The following ANGPT1 variants were observed in gnomAD, a reference collection of about 807,000 sequenced individuals.
ANGPT1 encodes the protein angiopoietin-1.
A neutral mutation model predicts 62.2 loss-of-function variants in ANGPT1; 17 were observed. The ratio of observed to expected loss-of-function variants is 0.27; its 90% CI spans 0.19 to 0.41. ANGPT1 has a LOEUF of 0.41. Ranked by LOEUF, ANGPT1 falls within the 10% of genes least tolerant of loss-of-function variation. The pLI is 1.00. For missense variants in ANGPT1, 478 were observed against 594.9 expected, an observed-to-expected ratio of 0.80 and a Z score of 2.04; for synonymous variants, 199 against 198.9, an observed-to-expected ratio of 1.00 and a Z score of 0.00.
At chr8:107,252,599 C>T (rs913378853) in intron 8 of ANGPT1, among the ~76,000 whole-genome samples, 3 of 152,138 alleles carry the variant, frequency 2.0e-5, no homozygotes, top group Non-Finnish European at 4.4e-5. Flanking sequence ...CGTACCCTCT[C>T]TGTAGTTTAT....
chr8:107,280,487 C>T (rs926037063), intron 7 of ANGPT1, among the ~76,000 whole-genome samples: 1 of 152,072 alleles, frequency 6.6e-6, no homozygotes. Context: ...TGGGTTGACA[C>T]GTTACATCTA....
At position 107,483,289 on chromosome 8, in the gene ANGPT1, C is replaced by A. The variant is rs150359058; in HGVS notation, c.297+13973G>T. 3.4e-3 allele frequency among the ~76,000 whole-genome samples: 511 copies of A among 152,150 alleles called. 2 individuals carry two copies. The highest frequency in any genetic ancestry group is 0.012 in the African/African-American group (479 of 41,540). ...CATAACAGTCATAAAATAAAAATTT[C>A]TTTTTCCTCTTTGACAGGAAGACTT... On this transcript the variant is annotated intron_variant, in intron 1 of 8. Coordinates refer to ENST00000517746, the MANE Select transcript of ANGPT1 (RefSeq NM_001146.5).
chr8:107,304,188 C>T (rs999266168), intron 4 of ANGPT1, among the ~76,000 whole-genome samples: 2 of 151,592 alleles, frequency 1.3e-5, no homozygotes, highest in Non-Finnish European at 3.0e-5. Flanking sequence ...TAGTTAGAGA[C>T]TGTCTCTACT....
chr8:107,254,355 A>T (rs1205007173), intron 8 of ANGPT1, among the ~76,000 whole-genome samples: 1 of 151,978 alleles, frequency 6.6e-6, no homozygotes, highest in East Asian at 1.9e-4. Context: ...CATGAAACTC[A>T]CTTCTAATGG....
chr8:107,404,649 C>G (rs1299426313), intron 1 of ANGPT1, among the ~76,000 whole-genome samples: 1 of 152,016 alleles, frequency 6.6e-6, no homozygotes, highest in Non-Finnish European at 1.5e-5. Flanking sequence ...AAAGATACTG[C>G]AATGAACATT....
Position 107,303,302 on chromosome 8 carries a change from C to G in ANGPT1, c.874G>C (p.Ala292Pro), listed in dbSNP as rs1350176064. ...PFRDCADVYQAGFNKSGIYTI... is the reference protein window; with the variant it reads ...PFRDCADVYQPGFNKSGIYTI... ...TAGATTCCACTTTTATTAAAACCAG[C>G]TTGATATACATCTGCACAGTCTCTA... The change falls in exon 5 of 9, where the codon GCT becomes CCT. Residue 292 changes from alanine (A) to proline (P), a missense_variant. Around this residue, in one of 4 missense-constraint regions of ANGPT1, gnomAD observed 343 missense variants for 355.4 expected, o/e 0.97. Transcript: ENST00000517746. The G allele has an allele frequency of 6.2e-7, 1 of 1,601,700 alleles. No individual in the cohort carries two copies. Among genetic ancestry groups the G allele is most frequent in the Admixed American group, 1.7e-5 (1 of 59,258 alleles).
intron 4 of ANGPT1, among the ~76,000 whole-genome samples, chr8:107,312,509 C>T (rs998105851): frequency 6.6e-6 from 1 of 152,192 alleles, no homozygotes; most frequent in African/African-American, 2.4e-5. Flanking sequence ...AAAACTGACA[C>T]ATACACAAAA....
chr8:107,464,587 T>A (rs985335054), intron 1 of ANGPT1, among the ~76,000 whole-genome samples: 2 of 152,048 alleles, frequency 1.3e-5, no homozygotes, highest in African/African-American at 4.8e-5. Flanking sequence ...ATAAGGTAAT[T>A]GTCAAGAGCT....
At chr8:107,275,237 T>G (rs967889567) in intron 7 of ANGPT1, among the ~76,000 whole-genome samples, 1 of 152,118 alleles carries the variant, frequency 6.6e-6, no homozygotes, top group Non-Finnish European at 1.5e-5. Flanking sequence ...CCAGAGGCCA[T>G]GGCTGCTTAC....
At chr8:107,429,233 G>T (rs1017237425) in intron 1 of ANGPT1, among the ~76,000 whole-genome samples, 1 of 152,134 alleles carries the variant, frequency 6.6e-6, no homozygotes, top group Non-Finnish European at 1.5e-5. Context: ...AGAAATAGGG[G>T]TTGAGTCATT....
At chr8:107,349,087 A>G (rs1169449514) in intron 1 of ANGPT1, among the ~76,000 whole-genome samples, 3 of 151,984 alleles carry the variant, frequency 2.0e-5, no homozygotes, top group Non-Finnish European at 2.9e-5. Context: ...CAGCCCAAAA[A>G]TGAAGCTGAC....
At chr8:107,275,531 G>T (rs1258343029) in intron 7 of ANGPT1, among the ~76,000 whole-genome samples, 1 of 152,096 alleles carries the variant, frequency 6.6e-6, no homozygotes, top group Non-Finnish European at 1.5e-5. Context: ...GCACATTTGT[G>T]ATTGTAAGTG....
chr8:107,339,874 C>T (rs1272836069), intron 2 of ANGPT1, among the ~76,000 whole-genome samples: 1 of 152,136 alleles, frequency 6.6e-6, no homozygotes, highest in African/African-American at 2.4e-5. Flanking sequence ...AAATCTAGAG[C>T]AGCATCTGAA....
chr8:107,303,275 T>C lies in ANGPT1; in HGVS notation c.901A>G (p.Thr301Ala), dbSNP rs1296188303. Residue 301 changes from threonine (T) to alanine (A), a missense_variant, in exon 5 of 9, where the codon ACT (threonine) becomes GCT (alanine). By Grantham distance (58) the Thr-to-Ala change is moderately conservative (BLOSUM62 0). Coordinates refer to ENST00000517746, the MANE Select transcript of ANGPT1 (RefSeq NM_001146.5). Reference sequence around the variant, plus strand: ...TCTGGCATATTATTAATATAAATAGTGTAGATTCCACTTTTATTAAAACCA... The same window carrying C: ...TCTGGCATATTATTAATATAAATAGCGTAGATTCCACTTTTATTAAAACCA... ...QAGFNKSGIYTIYINNMPEPK... is the reference protein window; with the variant it reads ...QAGFNKSGIYAIYINNMPEPK... 4 of 1,608,098 alleles carry C rather than the reference T, an allele frequency of 2.5e-6. No homozygotes were observed. Among genetic ancestry groups the C allele is most frequent in the Non-Finnish European group, 3.4e-6 (4 of 1,175,766 alleles).
At chr8:107,334,864 GGTCAAGTCCTGTCAA>G (rs1230740318) in intron 3 of ANGPT1, among the ~76,000 whole-genome samples, 1 of 152,042 alleles carries the variant, frequency 6.6e-6, no homozygotes, top group Non-Finnish European at 1.5e-5. Context: ...ATGCAATAAG[GGTCAAGTCCTGTCAA>G]GTTTATTTGT....
chr8:107,477,796 A>G (rs1812572195), intron 1 of ANGPT1, among the ~76,000 whole-genome samples: 1 of 151,960 alleles, frequency 6.6e-6, no homozygotes, highest in African/African-American at 2.4e-5. Flanking sequence ...TCTTCCTTTG[A>G]AAAAAAAGAA....
intron 2 of ANGPT1, among the ~76,000 whole-genome samples, chr8:107,346,038 G>A (rs1270396628): frequency 2.0e-5 from 3 of 152,106 alleles, no homozygotes; most frequent in African/African-American, 7.2e-5. Flanking sequence ...TCTGCTCTAA[G>A]TGATTTTCAT....
At chr8:107,473,914 AT>A (rs1215796718) in intron 1 of ANGPT1, among the ~76,000 whole-genome samples, 27 of 152,152 alleles carry the variant, frequency 1.8e-4, no homozygotes, top group Non-Finnish European at 3.1e-4. Flanking sequence ...TAATTGACCA[AT>A]AACAAGTTCT....
intron 2 of ANGPT1, among the ~76,000 whole-genome samples, chr8:107,341,709 A>C (rs1345630456): frequency 2.0e-5 from 3 of 151,456 alleles, no homozygotes; most frequent in African/African-American, 7.3e-5. Flanking sequence ...TTGGTTACAG[A>C]ATTTAATAGA....
Sources: gnomAD v4.1 joint callset for allele counts (sites outside exome capture counted in the v4.1 genomes callset) on GRCh38, gnomAD v4.1.1 for gene constraint, gnomAD v4.1.1 regional missense constraint, MANE v1.5 for transcripts, NCBI Gene and HGNC (gene_info 2026-07-23, HGNC 2026-07-21) for gene names.